The following CACNG4 variants were observed in gnomAD, a reference collection of about 807,000 sequenced individuals.
CACNG4 encodes voltage-dependent calcium channel gamma-4 subunit.
CACNG4 carries 8 observed loss-of-function variants against 22.9 expected under a neutral mutation model. The ratio of observed to expected loss-of-function variants is 0.35; its 90% CI spans 0.21 to 0.63. CACNG4 has a LOEUF of 0.63. Among genes scored for constraint, CACNG4 ranks in the 30% least tolerant of loss-of-function variants. The probability of loss-of-function intolerance (pLI) is 0.72; values close to 1 mark genes in which losing one functional copy is unlikely to be tolerated. For synonymous variants in CACNG4, 188 were observed against 191.9 expected (o/e 0.98, Z 0.17); for missense variants, 357 against 455.4 (o/e 0.78, Z 1.97).
chr17:67,002,618 T>TTCTCTCTCTCTCTCTCTCTCTCTCTCTC, intron 1 of CACNG4, among the ~76,000 whole-genome samples: 1 of 145,534 alleles, frequency 6.9e-6, no homozygotes, highest in South Asian at 2.2e-4. Context: ...ATCTCTCTCT[T>TTCTCTCTCTCTCTCTCTCTCTCTCTCTC]TCTCTCTCTC....
chr17:67,015,664 C>G (rs1342471807), intron 1 of CACNG4, among the ~76,000 whole-genome samples: 1 of 152,186 alleles, frequency 6.6e-6, no homozygotes, highest in African/African-American at 2.4e-5. Flanking sequence ...CACGAAGGAG[C>G]ATCTGAGAAG....
intron 1 of CACNG4, among the ~76,000 whole-genome samples, chr17:67,016,106 G>C (rs140425756): frequency 3.7e-4 from 56 of 152,216 alleles, no homozygotes; most frequent in African/African-American, 1.3e-3. Flanking sequence ...TCCAACAGCA[G>C]CAACCCCCCA....
In CACNG4 at chr17:66,978,711, G is replaced by A. The variant is rs188904750; in HGVS notation, c.220+13580G>A. Among the ~76,000 whole-genome samples the A allele has an allele frequency of 4.4e-3, 665 of 152,342 alleles. 26 individuals are homozygous for A. The highest frequency in any genetic ancestry group is 0.038 in the Admixed American group (586 of 15,304). ...TGACGGCCCAGGTTCCCCAGGGCGAGCACGCTGTCCCTGCCTCGCATCTGA... is the reference window on the plus strand; with the variant it reads ...TGACGGCCCAGGTTCCCCAGGGCGAACACGCTGTCCCTGCCTCGCATCTGA... On this transcript the variant is annotated intron_variant, in intron 1 of 3. Transcript: ENST00000262138.
At chr17:67,006,767 C>A (rs751885316) in intron 1 of CACNG4, among the ~76,000 whole-genome samples, 73 of 152,172 alleles carry the variant, frequency 4.8e-4, no homozygotes, top group Non-Finnish European at 6.0e-4. Flanking sequence ...GAATACCAAA[C>A]TAAAAGAAAG....
chr17:66,998,608 T>C (rs2035388941), intron 1 of CACNG4, among the ~76,000 whole-genome samples: 1 of 152,112 alleles, frequency 6.6e-6, no homozygotes, highest in Non-Finnish European at 1.5e-5. Context: ...CTGCCCTAAG[T>C]GTTCCCCGCT....
At chr17:66,977,002 C>T (rs2035241880) in intron 1 of CACNG4, among the ~76,000 whole-genome samples, 1 of 152,190 alleles carries the variant, frequency 6.6e-6, no homozygotes, top group Admixed American at 6.5e-5. Flanking sequence ...AGTCCCTCTC[C>T]TGCAGTATCC....
chr17:67,016,607 G>A (rs945934981), intron 1 of CACNG4, among the ~76,000 whole-genome samples: 3 of 152,194 alleles, frequency 2.0e-5, no homozygotes, highest in African/African-American at 4.8e-5. Flanking sequence ...AGGCAACAGG[G>A]GGCGCTTGCA....
chr17:67,016,646 G>T (rs3785581), intron 1 of CACNG4, among the ~76,000 whole-genome samples: 61,533 of 152,080 alleles, frequency 0.4, 16,157 homozygotes, highest in African/African-American at 0.74. Context: ...TTGGCCCCAG[G>T]TGGAAACTGC....
intron 1 of CACNG4, among the ~76,000 whole-genome samples, chr17:67,008,072 G>A (rs1483023224): frequency 6.6e-6 from 1 of 152,220 alleles, no homozygotes; most frequent in Non-Finnish European, 1.5e-5. Context: ...ACAGGTTCTA[G>A]CAAGCAGACA....
chr17:66,992,377 C>A (rs1330800719), intron 1 of CACNG4, among the ~76,000 whole-genome samples: 1 of 152,248 alleles, frequency 6.6e-6, no homozygotes, highest in Non-Finnish European at 1.5e-5. Context: ...CCTATCCCCA[C>A]CTATCATTCA....
chr17:66,998,639 C>T (rs1567754616), intron 1 of CACNG4, among the ~76,000 whole-genome samples: 1 of 152,236 alleles, frequency 6.6e-6, no homozygotes, highest in Non-Finnish European at 1.5e-5. Flanking sequence ...AGCCCCCAGG[C>T]AGGCAGCTCC....
intron 1 of CACNG4, among the ~76,000 whole-genome samples, chr17:66,969,939 G>A (rs1004060415): frequency 6.6e-6 from 1 of 152,102 alleles, no homozygotes; most frequent in Non-Finnish European, 1.5e-5. Context: ...GTCCAGTCAG[G>A]CCCAGGTGAG....
At chr17:67,007,097 C>T (rs2035442342) in intron 1 of CACNG4, among the ~76,000 whole-genome samples, 1 of 152,146 alleles carries the variant, frequency 6.6e-6, no homozygotes, top group Admixed American at 6.5e-5. Context: ...ATCGCTTGAA[C>T]CCAGGAGGCA....
At chr17:66,998,008 C>T (rs1261077633) in intron 1 of CACNG4, among the ~76,000 whole-genome samples, 3 of 152,130 alleles carry the variant, frequency 2.0e-5, no homozygotes, top group Non-Finnish European at 4.4e-5. Flanking sequence ...AGAAAGGCCA[C>T]AGGAACCAGG....
intron 1 of CACNG4, among the ~76,000 whole-genome samples, chr17:66,967,226 C>T (rs1375758444): frequency 6.6e-6 from 1 of 152,260 alleles, no homozygotes; most frequent in African/African-American, 2.4e-5. Context: ...GAGCCCCAAG[C>T]TGATCTGGGC....
chr17:66,999,278 G>T (rs187857986), intron 1 of CACNG4, among the ~76,000 whole-genome samples: 11 of 147,982 alleles, frequency 7.4e-5, no homozygotes, highest in African/African-American at 1.6e-4. Context: ...AGTAGAGTTG[G>T]TGGTGGTGGT....
At chr17:66,993,210 G>A (rs1233874169) in intron 1 of CACNG4, among the ~76,000 whole-genome samples, 3 of 152,362 alleles carry the variant, frequency 2.0e-5, no homozygotes, top group South Asian at 2.1e-4. Flanking sequence ...GCACCATTTC[G>A]GGGCTTGGCA....
chr17:66,984,073 T>C lies in CACNG4; in HGVS notation c.220+18942T>C, dbSNP rs2035291919. Among the ~76,000 whole-genome samples, 1 of 152,172 alleles carries C rather than the reference T, an allele frequency of 6.6e-6. No homozygotes were observed. Among genetic ancestry groups the C allele is most frequent in the Admixed American group, 6.5e-5 (1 of 15,278 alleles). On this transcript the variant is annotated intron_variant, in intron 1 of 3. Coordinates refer to ENST00000262138, the MANE Select transcript of CACNG4 (RefSeq NM_014405.4). This position sits in a 1 kb window ranked among gnomAD's most constrained non-coding sequence, Gnocchi z 4.0. ...CCTTAGGATTACTCTCTGTAGATTA[T>C]CTTCAGTAAAAATTAAAAATAGTAG...
At chr17:66,978,046 G>A (rs913851024) in intron 1 of CACNG4, among the ~76,000 whole-genome samples, 3 of 152,192 alleles carry the variant, frequency 2.0e-5, no homozygotes, top group Admixed American at 2.0e-4. Context: ...CCGCACATCT[G>A]TCTCACCATA....
Sources: gnomAD v4.1 joint callset for allele counts (sites outside exome capture counted in the v4.1 genomes callset) on GRCh38, gnomAD v4.1.1 for gene constraint, Gnocchi (gnomAD v3.1) non-coding constraint, MANE v1.5 for transcripts, NCBI Gene and HGNC (gene_info 2026-07-23, HGNC 2026-07-21) for gene names.